The following EYA1 variants were observed in gnomAD, a reference collection of about 807,000 sequenced individuals.
EYA1 encodes EYA transcriptional coactivator and phosphatase 1, also known as protein phosphatase EYA1.
Under a neutral mutation model 82.0 loss-of-function variants are expected in EYA1, and 16 were observed. The observed-to-expected ratio is 0.20, with a 90% CI of 0.13 to 0.30. The LOEUF is 0.30. EYA1 is among the 10% of genes least tolerant of loss of function. EYA1 has a pLI of 1.00. For missense variants in EYA1, 633 were observed against 730.7 expected (o/e 0.87, Z 1.54); for synonymous variants, 261 against 264.4 (o/e 0.99, Z 0.12).
intron 2 of EYA1, among the ~76,000 whole-genome samples, chr8:71,501,877 A>G (rs1811836554): frequency 1.3e-5 from 2 of 152,190 alleles, no homozygotes; most frequent in Non-Finnish European, 1.5e-5. Context: ...TGAACTGTAA[A>G]CTTATATTGT....
At chr8:71,511,323 C>G (rs1372083033) in intron 2 of EYA1, among the ~76,000 whole-genome samples, 1 of 152,090 alleles carries the variant, frequency 6.6e-6, no homozygotes, top group African/African-American at 2.4e-5. Flanking sequence ...TAGCCATGGT[C>G]CCTGATCCAA....
rs1429110987 is a variant in EYA1, at chr8:71,322,253, C to T, written c.218G>A (p.Ser73Asn). Reference sequence around the variant, plus strand: ...CTGGTGAGTTGGTCGTGGGCTGAAACTACTGCTCCCAATTGCTGGAAAACA... The same window carrying T: ...CTGGTGAGTTGGTCGTGGGCTGAAATTACTGCTCCCAATTGCTGGAAAACA... ...NFSGSAIGSS[S>N]FSPRPTHQFS... Residue 73 changes from serine (S) to asparagine (N), a missense_variant, in exon 5 of 18, where the codon AGT becomes AAT. Physicochemically the swap from Ser to Asn is conservative, Grantham distance 46. Coordinates refer to ENST00000340726, the MANE Select transcript of EYA1 (RefSeq NM_000503.6). 5.0e-6 allele frequency: 8 copies of T among 1,613,848 alleles called. No individual in the cohort carries two copies. In the Admixed American group the frequency reaches 1.0e-4, roughly 20 times the overall value.
At chr8:71,333,994 T>C in intron 4 of EYA1, 103 bp downstream of exon 4, 1 of 812,596 alleles carries the variant, frequency 1.2e-6, no homozygotes, top group Non-Finnish European at 2.2e-6. Flanking sequence ...TACCCACATA[T>C]ATACACATAT....
intron 2 of EYA1, among the ~76,000 whole-genome samples, chr8:71,403,127 A>G (rs1020436901): frequency 6.6e-6 from 1 of 152,238 alleles, no homozygotes; most frequent in African/African-American, 2.4e-5. Context: ...ATAAGACAGC[A>G]TAACTGAAGT....
chr8:71,206,270 G>A (rs1032123681), intron 17 of EYA1, among the ~76,000 whole-genome samples: 1 of 151,780 alleles, frequency 6.6e-6, no homozygotes, highest in Admixed American at 6.6e-5. Context: ...CCAGGCTGGA[G>A]TGCAGTGGTG....
At chr8:71,539,171 G>C (rs1351026932) in intron 1 of EYA1, among the ~76,000 whole-genome samples, 1 of 151,988 alleles carries the variant, frequency 6.6e-6, no homozygotes, top group African/African-American at 2.4e-5. Context: ...TAAGCATAGA[G>C]GAAAAGCCTC....
At chr8:71,318,779 G>T (rs1287989541) in intron 6 of EYA1, among the ~76,000 whole-genome samples, 1 of 152,146 alleles carries the variant, frequency 6.6e-6, no homozygotes, top group African/African-American at 2.4e-5. Flanking sequence ...GTACAGCTAG[G>T]TAATTGTTTT....
At chr8:71,502,527 T>A (rs1811883774) in intron 2 of EYA1, among the ~76,000 whole-genome samples, 1 of 152,238 alleles carries the variant, frequency 6.6e-6, no homozygotes, top group Non-Finnish European at 1.5e-5. Context: ...AGAATAATTT[T>A]GAGTATAAGC....
chr8:71,395,136 G>T (rs1188276047), intron 2 of EYA1, among the ~76,000 whole-genome samples: 1 of 152,140 alleles, frequency 6.6e-6, no homozygotes, highest in Non-Finnish European at 1.5e-5. Context: ...TTTGCACATT[G>T]ATTTTGTACC....
chr8:71,215,877 C>A, intron 14 of EYA1, 149 bp from the exon 15 acceptor site: 5 of 706,854 alleles, frequency 7.1e-6, no homozygotes, highest in South Asian at 6.1e-5. Context: ...ATTCATTTGA[C>A]AAGTATTTAT....
intron 2 of EYA1, among the ~76,000 whole-genome samples, chr8:71,465,338 AGAG>A (rs1222882730): frequency 1.3e-5 from 2 of 152,194 alleles, no homozygotes; most frequent in Non-Finnish European, 2.9e-5. Flanking sequence ...AAAAGGAAGA[AGAG>A]GCCGGGTGTG....
chr8:71,227,556 T>C (rs1810704725), intron 12 of EYA1, among the ~76,000 whole-genome samples: 1 of 152,214 alleles, frequency 6.6e-6, no homozygotes, highest in African/African-American at 2.4e-5. Context: ...AGAAAGTGAA[T>C]CGCATACCAA....
rs201504674 is a variant in EYA1 at position 71,271,859 on chromosome 8, C to A, written c.865G>T (p.Asp289Tyr). The A allele has an allele frequency of 1.6e-4, 251 of 1,614,170 alleles. 1 individual carries two copies. The highest frequency in any genetic ancestry group is 1.9e-4 in the Non-Finnish European group (226 of 1,180,050). Residue 289 changes from aspartate (D) to tyrosine (Y), a missense_variant, in exon 10 of 18, where the codon GAT (aspartate) becomes TAT (tyrosine). By Grantham distance (160) the Asp-to-Tyr change is radical. Coordinates refer to ENST00000340726, the MANE Select transcript of EYA1 (RefSeq NM_000503.6). ...CGACGCAATCGATCAGAATCTGAAT[C>A]TTTAATGGGTGTTGATGGGCTGTGG... ...TIHSPSTPIK[D>Y]SDSDRLRRGS...
intron 2 of EYA1, among the ~76,000 whole-genome samples, chr8:71,512,385 C>T (rs189009311): frequency 7.3e-4 from 110 of 150,932 alleles, no homozygotes; most frequent in Admixed American, 2.3e-3. Flanking sequence ...TCAAAGACTA[C>T]ATGATTTCTT....
intron 17 of EYA1, among the ~76,000 whole-genome samples, chr8:71,205,419 T>TTA (rs1554591835): frequency 1.1e-4 from 17 of 151,928 alleles, no homozygotes; most frequent in African/African-American, 3.9e-4. Context: ...AATTTTATGG[T>TTA]AAAAAAAGAA....
chr8:71,291,550 C>T (rs985263355), intron 9 of EYA1, among the ~76,000 whole-genome samples: 16 of 152,156 alleles, frequency 1.1e-4, no homozygotes, highest in Admixed American at 4.6e-4. Context: ...AACTTTTCTA[C>T]GGCATTCATA....
intron 2 of EYA1, among the ~76,000 whole-genome samples, chr8:71,481,348 A>C (rs1351616443): frequency 6.6e-6 from 1 of 152,208 alleles, no homozygotes; most frequent in Non-Finnish European, 1.5e-5. Flanking sequence ...GCTGCCGTCA[A>C]TTTTAAGATG....
chr8:71,492,740 C>T (rs1275755565), intron 2 of EYA1, among the ~76,000 whole-genome samples: 1 of 152,210 alleles, frequency 6.6e-6, no homozygotes, highest in Non-Finnish European at 1.5e-5. Flanking sequence ...GCTGGGATTA[C>T]AGGCGTGAGC....
intron 11 of EYA1, among the ~76,000 whole-genome samples, chr8:71,256,598 A>C (rs1183185637): frequency 6.6e-6 from 1 of 152,222 alleles, no homozygotes; most frequent in Non-Finnish European, 1.5e-5. Context: ...GAGAGATAAA[A>C]AACTTCTGGA....
Sources: gnomAD v4.1 joint callset for allele counts (sites outside exome capture counted in the v4.1 genomes callset) on GRCh38, gnomAD v4.1.1 for gene constraint, MANE v1.5 for transcripts, NCBI Gene and HGNC (gene_info 2026-07-23, HGNC 2026-07-21) for gene names.